The following AIG1 variants were observed in gnomAD, a reference collection of about 807,000 sequenced individuals.
The protein encoded by AIG1 is androgen induced 1, also known as androgen-induced gene 1 protein.
In AIG1, 23 loss-of-function variants were observed where a neutral mutation model predicts 31.4. The ratio of observed to expected loss-of-function variants is 0.73; its 90% confidence interval spans 0.53 to 1.04. The LOEUF is 1.04. AIG1 is among the 50% of genes least tolerant of loss of function. The pLI, the probability that AIG1 is intolerant of heterozygous loss-of-function variation, is 0.00. For synonymous variants in AIG1, 100 were observed against 110.5 expected, an observed-to-expected ratio of 0.90 and a Z score of 0.60; for missense variants, 274 against 295.0, an observed-to-expected ratio of 0.93 and a Z score of 0.52.
At chr6:143,121,571 G>C (rs1356948882) in intron 1 of AIG1, among the ~76,000 whole-genome samples, 1 of 152,088 alleles carries the variant, frequency 6.6e-6, no homozygotes, top group East Asian at 1.9e-4. Context: ...GCTATTTGGA[G>C]AAGCTATTAA....
chr6:143,158,322 G>A (rs1023741000), intron 2 of AIG1, among the ~76,000 whole-genome samples: 7 of 152,176 alleles, frequency 4.6e-5, no homozygotes, highest in Non-Finnish European at 7.4e-5. Context: ...CCCATGCATC[G>A]AGACCTCATG....
chr6:143,305,094 G>T (rs1056231601), intron 4 of AIG1, among the ~76,000 whole-genome samples: 28 of 152,236 alleles, frequency 1.8e-4, no homozygotes, highest in African/African-American at 6.3e-4. Context: ...ATTTTTTATT[G>T]TGTCTATCGG....
At chr6:143,107,780 A>T (rs1780934202) in intron 1 of AIG1, among the ~76,000 whole-genome samples, 1 of 152,164 alleles carries the variant, frequency 6.6e-6, no homozygotes, top group Non-Finnish European at 1.5e-5. Context: ...AAGCTTAGAG[A>T]TCAACTAAAA....
At chr6:143,266,608 C>T (rs1362878407) in intron 3 of AIG1, among the ~76,000 whole-genome samples, 1 of 151,866 alleles carries the variant, frequency 6.6e-6, no homozygotes, top group Non-Finnish European at 1.5e-5. Flanking sequence ...TAAATATATA[C>T]AATTTCTGTT....
At chr6:143,232,641 T>TAGG (rs1239957898) in intron 3 of AIG1, among the ~76,000 whole-genome samples, 2 of 152,236 alleles carry the variant, frequency 1.3e-5, no homozygotes, top group Non-Finnish European at 2.9e-5. Flanking sequence ...ATGTCTTGAG[T>TAGG]AGGTTACATG....
At chr6:143,335,103 C>T in intron 5 of AIG1, 3 of 1,436,688 alleles carry the variant, frequency 2.1e-6, no homozygotes, top group Non-Finnish European at 1.8e-6. Context: ...TCCACAAAGA[C>T]AGATGTTTTG....
intron 4 of AIG1, among the ~76,000 whole-genome samples, chr6:143,310,219 C>A (rs1381834682): frequency 6.6e-6 from 1 of 151,846 alleles, no homozygotes; most frequent in South Asian, 2.1e-4. Flanking sequence ...GTAGGACATT[C>A]ACCAATATCA....
At chr6:143,332,876 G>A (rs894964999) in intron 4 of AIG1, among the ~76,000 whole-genome samples, 1 of 152,198 alleles carries the variant, frequency 6.6e-6, no homozygotes, top group Non-Finnish European at 1.5e-5. Flanking sequence ...GCGGAGATGT[G>A]AAGACTGAAG....
intron 3 of AIG1, among the ~76,000 whole-genome samples, chr6:143,218,002 A>G (rs997085213): frequency 6.6e-6 from 1 of 152,228 alleles, no homozygotes; most frequent in Non-Finnish European, 1.5e-5. Flanking sequence ...CATGCAATAG[A>G]AGGAAGTACA....
chr6:143,170,513 A>G (rs1787396569), intron 3 of AIG1, among the ~76,000 whole-genome samples: 2 of 150,868 alleles, frequency 1.3e-5, no homozygotes, highest in South Asian at 4.2e-4. Flanking sequence ...GATTTTATTT[A>G]TTTGAGTCTT....
At chr6:143,249,026 G>C (rs1222306676) in intron 3 of AIG1, among the ~76,000 whole-genome samples, 1 of 152,202 alleles carries the variant, frequency 6.6e-6, no homozygotes, top group Non-Finnish European at 1.5e-5. Flanking sequence ...GGGGCTGTTT[G>C]TGTTAATTAA....
At chr6:143,216,175 G>T (rs568872111) in intron 3 of AIG1, among the ~76,000 whole-genome samples, 6 of 152,152 alleles carry the variant, frequency 3.9e-5, no homozygotes, top group Non-Finnish European at 7.3e-5. Flanking sequence ...TTTAAAAAGG[G>T]TTTCCTTCAG....
intron 1 of AIG1, among the ~76,000 whole-genome samples, chr6:143,118,706 T>C (rs1781962551): frequency 1.3e-5 from 2 of 152,124 alleles, no homozygotes; most frequent in African/African-American, 2.4e-5. Context: ...CAAAGACTTA[T>C]CATTTATGTT....
chr6:143,304,562 C>G (rs962099236), intron 4 of AIG1, among the ~76,000 whole-genome samples: 1 of 152,154 alleles, frequency 6.6e-6, no homozygotes, highest in East Asian at 1.9e-4. Context: ...AGCCTTGCAT[C>G]CCAGGGATGA....
chr6:143,324,931 A>G (rs1340722621), intron 4 of AIG1, among the ~76,000 whole-genome samples: 2 of 152,226 alleles, frequency 1.3e-5, no homozygotes, highest in African/African-American at 2.4e-5. Context: ...ATGACAGAAT[A>G]GGATGAAATT....
intron 2 of AIG1, among the ~76,000 whole-genome samples, chr6:143,148,063 G>A (rs143827433): frequency 2.6e-5 from 4 of 152,274 alleles, no homozygotes; most frequent in African/African-American, 7.2e-5. Context: ...GCAAGTAAAT[G>A]ATGCTGGTAA....
At chr6:143,315,373 G>T (rs956768024) in intron 4 of AIG1, among the ~76,000 whole-genome samples, 2 of 152,074 alleles carry the variant, frequency 1.3e-5, no homozygotes, top group Non-Finnish European at 1.5e-5. Flanking sequence ...CCAGTGCAGT[G>T]TTGAAGAAGA....
intron 3 of AIG1, among the ~76,000 whole-genome samples, chr6:143,273,477 T>C (rs1037311654): frequency 7.9e-5 from 12 of 152,116 alleles, no homozygotes; most frequent in African/African-American, 2.7e-4. Flanking sequence ...TCACCTCTGC[T>C]GTGTCCCCCA....
At chr6:143,152,386 GAGAA>G (rs1209173158) in intron 2 of AIG1, among the ~76,000 whole-genome samples, 6 of 152,142 alleles carry the variant, frequency 3.9e-5, no homozygotes, top group African/African-American at 1.2e-4. Flanking sequence ...TTTAAAAAAT[GAGAA>G]AGAAAGACAG....
Sources: allele counts gnomAD v4.1 joint callset (sites outside exome capture counted in the v4.1 genomes callset), GRCh38; gene constraint gnomAD v4.1.1; transcripts MANE v1.5; gene names NCBI Gene and HGNC (gene_info 2026-07-23, HGNC 2026-07-21).